Variants in CDH12 observed in about 807,000 individuals in gnomAD.
CDH12 encodes the protein cadherin-12.
In CDH12, 41 loss-of-function variants were observed where a neutral mutation model predicts 74.1. The ratio of observed to expected loss-of-function variants is 0.55; its 90% CI spans 0.43 to 0.72. The LOEUF is 0.72. CDH12 is among the 30% of genes least tolerant of loss of function. The pLI, the probability that CDH12 is intolerant of heterozygous loss-of-function variation, is 0.00. For synonymous variants in CDH12, 399 were observed against 355.0 expected (o/e 1.12, Z -1.39); for missense variants, 945 against 977.2 (o/e 0.97, Z 0.44).
chr5:22,057,672 A>G (rs1263852347), intron 5 of CDH12, among the ~76,000 whole-genome samples: 1 of 152,062 alleles, frequency 6.6e-6, no homozygotes, highest in Admixed American at 6.6e-5. Flanking sequence ...CCTCCTCTCT[A>G]TTACTTCCAC....
At chr5:21,874,762 C>A (rs1394862789) in intron 6 of CDH12, among the ~76,000 whole-genome samples, 1 of 152,184 alleles carries the variant, frequency 6.6e-6, no homozygotes, top group South Asian at 2.1e-4. Context: ...GGGTGTCCGC[C>A]GCACTTCTGA....
At chr5:22,005,916 A>G (rs1374980097) in intron 5 of CDH12, among the ~76,000 whole-genome samples, 1 of 152,102 alleles carries the variant, frequency 6.6e-6, no homozygotes. Context: ...TCTAGTGCCA[A>G]CCCTTTACCT....
chr5:22,637,295 G>C (rs1472361248), intron 1 of CDH12, among the ~76,000 whole-genome samples: 1 of 152,146 alleles, frequency 6.6e-6, no homozygotes, highest in Non-Finnish European at 1.5e-5. Context: ...CAGCTTTTCT[G>C]TAAAGTTATA....
intron 1 of CDH12, among the ~76,000 whole-genome samples, chr5:22,786,384 A>C (rs1292715956): frequency 2.0e-5 from 3 of 152,206 alleles, no homozygotes; most frequent in Admixed American, 2.0e-4. Flanking sequence ...GCTACTTTCA[A>C]AAGTTCCCTT....
Position 22,651,831 on chromosome 5 carries a change from A to T in CDH12, c.-522-146467T>A, listed in dbSNP as rs551609719. The stretch of plus-strand genomic sequence containing the variant: ...AATGGTTGAATTTTATGGTCTGTGA[A>T]TTATATCTTAATATATCTGTTTTTT... On this transcript the variant is annotated intron_variant, in intron 1 of 14. Transcript: ENST00000382254. Among the ~76,000 whole-genome samples, 116 of 152,216 alleles carry T rather than the reference A, an allele frequency of 7.6e-4. 1 individual carries two copies. Among genetic ancestry groups the T allele is most frequent in the African/African-American group, 2.7e-3 (112 of 41,554 alleles).
intron 5 of CDH12, among the ~76,000 whole-genome samples, chr5:22,073,626 TCA>T (rs1742103620): frequency 6.6e-6 from 1 of 152,172 alleles, no homozygotes; most frequent in Admixed American, 6.6e-5. Flanking sequence ...TGTATTAAAT[TCA>T]CAGTGTGTAT....
chr5:22,270,471 T>G lies in CDH12; in HGVS notation c.-332-57828A>C, dbSNP rs188156896. Among the ~76,000 whole-genome samples the G allele has an allele frequency of 9.0e-3, 1,374 of 151,844 alleles. 19 individuals are homozygous for G. Among genetic ancestry groups the G allele is most frequent in the African/African-American group, 0.032 (1,319 of 41,464 alleles). ...TTAGCCAGGCATGGCGGCACATGCC[T>G]GTAGCCTCAGCTACTTGGGAGGCTG... is the stretch of plus-strand genomic sequence containing the variant. On this transcript the variant is annotated intron_variant, in intron 3 of 14. Transcript: ENST00000382254.
At chr5:22,116,591 C>A in intron 4 of CDH12, among the ~76,000 whole-genome samples, 1 of 150,174 alleles carries the variant, frequency 6.7e-6, no homozygotes. Flanking sequence ...GGTGACAGAG[C>A]AAGACTCTGT....
chr5:22,809,058 A>G (rs923223173), intron 1 of CDH12, among the ~76,000 whole-genome samples: 11 of 151,998 alleles, frequency 7.2e-5, no homozygotes, highest in African/African-American at 1.9e-4. Context: ...ACAATAATGT[A>G]AGATAAATTA....
chr5:22,852,744 T>C (rs1737612754), intron 1 of CDH12, among the ~76,000 whole-genome samples: 1 of 152,244 alleles, frequency 6.6e-6, no homozygotes, highest in Non-Finnish European at 1.5e-5. Flanking sequence ...GTTGGACATC[T>C]AGCACACCTA....
chr5:21,954,712 T>C (rs879360855), intron 6 of CDH12, among the ~76,000 whole-genome samples: 3 of 152,078 alleles, frequency 2.0e-5, no homozygotes, highest in Non-Finnish European at 4.4e-5. Flanking sequence ...GCTTTTTTAT[T>C]GTAAAACAGG....
intron 1 of CDH12, among the ~76,000 whole-genome samples, chr5:22,797,114 G>A (rs1485910541): frequency 2.0e-5 from 3 of 151,324 alleles, no homozygotes; most frequent in Admixed American, 1.3e-4. Flanking sequence ...TTTAGTATTC[G>A]GAGGGGGGCA....
intron 1 of CDH12, among the ~76,000 whole-genome samples, chr5:22,781,806 A>G (rs149900369): frequency 6.6e-6 from 1 of 152,296 alleles, no homozygotes; most frequent in East Asian, 1.9e-4. Context: ...AGGAAATGGT[A>G]AAGATAATTT....
chr5:22,730,595 A>G (rs1744383838), intron 1 of CDH12, among the ~76,000 whole-genome samples: 1 of 151,790 alleles, frequency 6.6e-6, no homozygotes, highest in African/African-American at 2.4e-5. Flanking sequence ...ACAAATAATT[A>G]TGAAGAACTC....
At chr5:21,821,152 A>T (rs948588948) in intron 8 of CDH12, among the ~76,000 whole-genome samples, 2 of 151,878 alleles carry the variant, frequency 1.3e-5, no homozygotes, top group African/African-American at 4.8e-5. Flanking sequence ...TGTCATTTGA[A>T]AAGATACTGA....
chr5:22,202,251 G>C (rs948854731), intron 4 of CDH12, among the ~76,000 whole-genome samples: 5 of 147,868 alleles, frequency 3.4e-5, no homozygotes, highest in African/African-American at 1.3e-4. Flanking sequence ...TCTAGGTGAT[G>C]AGCCTGCAGC....
At chr5:22,714,535 C>A (rs1381857708) in intron 1 of CDH12, among the ~76,000 whole-genome samples, 2 of 152,096 alleles carry the variant, frequency 1.3e-5, no homozygotes, top group African/African-American at 4.8e-5. Flanking sequence ...TTTAAGAAAA[C>A]AGTTATATCT....
Position 22,812,016 on chromosome 5 carries a change from A to G in CDH12, c.-523+41042T>C, listed in dbSNP as rs369422324. ...TTTAGGGGCAAATAAAAAAACATCT[A>G]TGCCAACCTCCTGTTTTTATTGGGC... On this transcript the variant is annotated intron_variant, in intron 1 of 14. Transcript: ENST00000382254. Among the ~76,000 whole-genome samples, 3 of 152,278 alleles carry G rather than the reference A, an allele frequency of 2.0e-5. No homozygotes were observed. The East Asian group carries it at 5.8e-4, about 29-fold the overall frequency.
rs367627905 is a variant in CDH12 at position 22,614,316 on chromosome 5, A to C, written c.-522-108952T>G. Among the ~76,000 whole-genome samples, 16 of 152,234 alleles carry C rather than the reference A, an allele frequency of 1.1e-4. No homozygotes were observed. The East Asian group carries it at 2.7e-3, about 26-fold the overall frequency. On this transcript the variant is annotated intron_variant, in intron 1 of 14. Coordinates refer to ENST00000382254, the MANE Select transcript of CDH12 (RefSeq NM_004061.5). ...CATACATTATTCAGATGCACACAAA[A>C]CTATACAATTGCACGCTCTGGGTAA...
Sources: gnomAD v4.1 joint callset for allele counts (sites outside exome capture counted in the v4.1 genomes callset) on GRCh38, gnomAD v4.1.1 for gene constraint, MANE v1.5 for transcripts, NCBI Gene and HGNC (gene_info 2026-07-23, HGNC 2026-07-21) for gene names.